PCDH15: variants seen among roughly 807,000 people sequenced by gnomAD.
PCDH15 encodes the protein protocadherin related 15.
PCDH15 carries 129 observed loss-of-function variants against 178.5 expected under a neutral mutation model. That is an observed-to-expected ratio of 0.72 (90% CI 0.63 to 0.84). The LOEUF (loss-of-function observed/expected upper bound fraction) is 0.84. Ranked by LOEUF, PCDH15 falls within the 40% of genes least tolerant of loss-of-function variation. The pLI, the probability that PCDH15 is intolerant of heterozygous loss-of-function variation, is 0.00. For missense variants in PCDH15, 2,230 were observed against 2,099.9 expected (o/e 1.06, Z -1.21); for synonymous variants, 800 against 732.0 (o/e 1.09, Z -1.50).
intron 2 of PCDH15, among the ~76,000 whole-genome samples, chr10:55,155,519 TATAA>T (rs1337471097): frequency 1.3e-5 from 2 of 148,674 alleles, no homozygotes; most frequent in Non-Finnish European, 3.0e-5. Flanking sequence ...AATAATAAAT[TATAA>T]ATAATTAATA....
intron 3 of PCDH15, among the ~76,000 whole-genome samples, chr10:54,418,326 A>G (rs1589296309): frequency 6.6e-6 from 1 of 152,124 alleles, no homozygotes; most frequent in East Asian, 1.9e-4. Flanking sequence ...ATTTAAAAAT[A>G]AAAGACAAAA....
At chr10:53,879,609 A>T (rs1171024643) in intron 26 of PCDH15, among the ~76,000 whole-genome samples, 1 of 152,194 alleles carries the variant, frequency 6.6e-6, no homozygotes, top group Admixed American at 6.5e-5. Flanking sequence ...ATTTTTGGTA[A>T]AAATTAATAG....
chr10:55,349,835 A>G (rs1226767005), intron 2 of PCDH15, among the ~76,000 whole-genome samples: 1 of 152,118 alleles, frequency 6.6e-6, no homozygotes, highest in Non-Finnish European at 1.5e-5. Context: ...CATGCAAGCT[A>G]TAAAGATATC....
Position 54,195,864 on chromosome 10 carries a change from A to G in PCDH15, c.1124T>C (p.Leu375Pro). The change falls in exon 11 of 38, where the codon CTT becomes CCT. Residue 375 changes from leucine to proline, a missense_variant. Coordinates refer to ENST00000644397, the MANE Select transcript of PCDH15 (RefSeq NM_001384140.1). The part of the protein sequence containing the change: ...IKAEQDNGHP[L>P]PAFAGLHIEI... Reference sequence around the variant, plus strand: ...AATGTGTAGACCGGCAAAGGCAGGAAGAGGATGACCATTGTCTTGTTCAGC... The same window carrying G: ...AATGTGTAGACCGGCAAAGGCAGGAGGAGGATGACCATTGTCTTGTTCAGC... 6.2e-7 allele frequency: 1 copy of G among 1,613,824 alleles called. No individual in the cohort carries two copies.
intron 6 of PCDH15, among the ~76,000 whole-genome samples, chr10:54,338,323 C>G (rs1297413802): frequency 1.3e-5 from 2 of 152,170 alleles, no homozygotes; most frequent in East Asian, 3.9e-4. Flanking sequence ...TATTAAACTA[C>G]AGTAAATTTT....
At chr10:55,232,596 G>C (rs1158303541) in intron 1 of PCDH15, among the ~76,000 whole-genome samples, 13 of 151,992 alleles carry the variant, frequency 8.6e-5, no homozygotes, top group Admixed American at 8.5e-4. Flanking sequence ...AAAATCATGG[G>C]ATATTACTTC....
At chr10:53,808,601 TC>T in intron 37 of PCDH15, 1 of 1,483,336 alleles carries the variant, frequency 6.7e-7, no homozygotes, top group Non-Finnish European at 8.9e-7. Flanking sequence ...ATCAATTTCC[TC>T]CCTTTCAAGT....
intron 2 of PCDH15, among the ~76,000 whole-genome samples, chr10:54,913,506 C>T (rs576588551): frequency 2.6e-5 from 4 of 152,320 alleles, no homozygotes; most frequent in African/African-American, 9.6e-5. Context: ...CATGGAGAAC[C>T]TCTACTAGGG....
rs1554819787 is a variant in PCDH15, at chr10:53,822,236, AGGTGGAGGGCAAGGAATAGAAGGAGGT to A, written c.4368-2033_4368-2007del. On this transcript the variant is annotated intron_variant, in intron 32 of 37. Coordinates refer to ENST00000644397, the MANE Select transcript of PCDH15 (RefSeq NM_001384140.1). Reference sequence around the variant, plus strand: ...CTGTGGACAGAAATGAAGCTGAAGGAGGTGGAGGGCAAGGAATAGAAGGAGGTGGTGGAGGAAGAGGAGTTGGAAATG... The same window carrying A: ...CTGTGGACAGAAATGAAGCTGAAGGAGGTGGAGGAAGAGGAGTTGGAAATG... 3.7e-6 allele frequency: 6 copies of A among 1,613,872 alleles called. No individual in the cohort carries two copies. Among genetic ancestry groups the A allele is most frequent in the Admixed American group, 1.7e-5 (1 of 59,972 alleles).
At chr10:54,282,270 G>T (rs1406537513) in intron 8 of PCDH15, among the ~76,000 whole-genome samples, 3 of 151,990 alleles carry the variant, frequency 2.0e-5, no homozygotes, top group Admixed American at 1.3e-4. Context: ...GTTTTAGTAG[G>T]ATCTTCAAGT....
intron 1 of PCDH15, among the ~76,000 whole-genome samples, chr10:55,310,180 T>C (rs1319988091): frequency 6.6e-6 from 1 of 152,200 alleles, no homozygotes; most frequent in Non-Finnish European, 1.5e-5. Context: ...AATCTATAAT[T>C]ATTTCCTTTA....
intron 1 of PCDH15, among the ~76,000 whole-genome samples, chr10:55,195,500 A>C (rs1840067158): frequency 6.6e-6 from 1 of 150,708 alleles, no homozygotes. Flanking sequence ...AAAAAAAAAA[A>C]AAAAAATTAG....
chr10:55,470,638 T>G (rs541183670), intron 2 of PCDH15, among the ~76,000 whole-genome samples: 1 of 152,160 alleles, frequency 6.6e-6, no homozygotes, highest in Non-Finnish European at 1.5e-5. Context: ...TTGTTATCAT[T>G]GATAAACCTA....
At chr10:54,727,527 G>A (rs1406165931) in intron 1 of PCDH15, among the ~76,000 whole-genome samples, 1 of 151,178 alleles carries the variant, frequency 6.6e-6, no homozygotes, top group African/African-American at 2.4e-5. Context: ...ACACCACACT[G>A]ACAGGAACTA....
chr10:54,888,714 A>T (rs1474187977), intron 3 of PCDH15, among the ~76,000 whole-genome samples: 1 of 146,720 alleles, frequency 6.8e-6, no homozygotes, highest in African/African-American at 2.5e-5. Context: ...TATTTCCTTA[A>T]TGATGTTCAG....
At chr10:55,019,691 T>C (rs1338806666) in intron 2 of PCDH15, among the ~76,000 whole-genome samples, 1 of 152,160 alleles carries the variant, frequency 6.6e-6, no homozygotes, top group African/African-American at 2.4e-5. Flanking sequence ...CATGAAACTG[T>C]GGCCAACTAA....
At chr10:54,735,308 T>C (rs1645349439) in intron 1 of PCDH15, among the ~76,000 whole-genome samples, 1 of 152,128 alleles carries the variant, frequency 6.6e-6, no homozygotes, top group Admixed American at 6.6e-5. Flanking sequence ...TCAGTCAGAA[T>C]GATTGCCATT....
At chr10:55,524,078 A>G (rs1451370456) in intron 2 of PCDH15, among the ~76,000 whole-genome samples, 1 of 150,672 alleles carries the variant, frequency 6.6e-6, no homozygotes, top group Admixed American at 6.6e-5. Flanking sequence ...TTTTAGCAGC[A>G]TTTCTAAAAA....
At chr10:54,925,728 G>A (rs777201764) in intron 2 of PCDH15, among the ~76,000 whole-genome samples, 1 of 152,100 alleles carries the variant, frequency 6.6e-6, no homozygotes, top group African/African-American at 2.4e-5. Context: ...TTGCATTCAT[G>A]ATTTGGCACT....
Sources: allele counts gnomAD v4.1 joint callset (sites outside exome capture counted in the v4.1 genomes callset), GRCh38; gene constraint gnomAD v4.1.1; transcripts MANE v1.5; gene names NCBI Gene and HGNC (gene_info 2026-07-23, HGNC 2026-07-21).